CAMK2D: variants seen among roughly 807,000 people sequenced by gnomAD.
CAMK2D encodes calcium/calmodulin dependent protein kinase II delta.
A neutral mutation model predicts 84.0 loss-of-function variants in CAMK2D; 37 were observed. The ratio of observed to expected loss-of-function variants is 0.44; its 90% CI spans 0.34 to 0.58. CAMK2D has a LOEUF of 0.58. CAMK2D is among the 20% of genes least tolerant of loss of function. CAMK2D has a pLI of 0.02. For synonymous variants in CAMK2D, 202 were observed against 212.5 expected, an observed-to-expected ratio of 0.95 and a Z score of 0.43; for missense variants, 448 against 652.5, an observed-to-expected ratio of 0.69 and a Z score of 3.41.
chr4:113,756,923 A>C (rs1413816455), intron 2 of CAMK2D, among the ~76,000 whole-genome samples: 2 of 152,138 alleles, frequency 1.3e-5, no homozygotes, highest in Non-Finnish European at 2.9e-5. Flanking sequence ...ATATAAAATA[A>C]AATTGTTGAC....
rs72899845 is a variant in CAMK2D, at chr4:113,728,335, A to T, written c.160+30985T>A. Among the ~76,000 whole-genome samples, 1,420 of 152,324 alleles carry T rather than the reference A, an allele frequency of 9.3e-3. 30 individuals are homozygous for T. The highest frequency in any genetic ancestry group is 0.032 in the African/African-American group (1,342 of 41,580). ...CAGCCATAAGAAAGAACAAACAATA[A>T]GTAACAACACAGATGAGACTCCAAA... is the stretch of plus-strand genomic sequence containing the variant. On this transcript the variant is annotated intron_variant, in intron 2 of 20. Coordinates refer to ENST00000511664, the MANE Select transcript of CAMK2D (RefSeq NM_001321571.2).
intron 4 of CAMK2D, among the ~76,000 whole-genome samples, chr4:113,553,527 C>T (rs1046863615): frequency 1.4e-4 from 22 of 152,184 alleles, no homozygotes; most frequent in Non-Finnish European, 2.9e-4. Context: ...AGTTAGTATT[C>T]TCTCCCTTAT....
intron 3 of CAMK2D, among the ~76,000 whole-genome samples, chr4:113,633,298 A>T (rs1392167587): frequency 6.6e-6 from 1 of 152,202 alleles, no homozygotes; most frequent in East Asian, 1.9e-4. Flanking sequence ...ATTTCCACTC[A>T]AAGGCTACCT....
At chr4:113,560,007 AG>A (rs542151499) in intron 4 of CAMK2D, among the ~76,000 whole-genome samples, 7 of 152,330 alleles carry the variant, frequency 4.6e-5, no homozygotes, top group African/African-American at 1.7e-4. Flanking sequence ...TCAGACAAGA[AG>A]AGATTCTATC....
chr4:113,574,226 C>T (rs987112152), intron 4 of CAMK2D, among the ~76,000 whole-genome samples: 2 of 152,154 alleles, frequency 1.3e-5, no homozygotes, highest in African/African-American at 4.8e-5. Context: ...TTCAGTGCTT[C>T]ACCGTGTCTC....
chr4:113,540,878 T>C (rs1035454875), intron 6 of CAMK2D, among the ~76,000 whole-genome samples: 7 of 152,224 alleles, frequency 4.6e-5, no homozygotes, highest in African/African-American at 7.2e-5. Context: ...TATAATGCAA[T>C]CCCTTTCTAG....
chr4:113,542,914 T>C (rs2098540619), intron 6 of CAMK2D, among the ~76,000 whole-genome samples: 1 of 152,218 alleles, frequency 6.6e-6, no homozygotes, highest in Non-Finnish European at 1.5e-5. Context: ...CAATGACATT[T>C]CCATTAAGTA....
At chr4:113,726,370 TG>T (rs1467566351) in intron 2 of CAMK2D, among the ~76,000 whole-genome samples, 2 of 143,992 alleles carry the variant, frequency 1.4e-5, no homozygotes, top group African/African-American at 5.1e-5. Context: ...TTGTTTTGCT[TG>T]GGCTTTTTTT....
chr4:113,519,520 T>A (rs1252165849), intron 8 of CAMK2D, among the ~76,000 whole-genome samples: 4 of 149,466 alleles, frequency 2.7e-5, no homozygotes, highest in African/African-American at 7.4e-5. Flanking sequence ...CCCAAAGACT[T>A]AAAAAAAAAA....
chr4:113,543,671 T>A (rs2098546584), intron 6 of CAMK2D, among the ~76,000 whole-genome samples: 1 of 152,178 alleles, frequency 6.6e-6, no homozygotes, highest in African/African-American at 2.4e-5. Context: ...TATTCATTCT[T>A]CTCTTTTTGT....
At position 113,562,284 on chromosome 4, in the gene CAMK2D, C is replaced by T. The variant is rs577901832; in HGVS notation, c.276-10188G>A. 7.9e-5 allele frequency among the ~76,000 whole-genome samples: 12 copies of T among 152,240 alleles called. No individual in the cohort carries two copies. The East Asian group carries it at 1.2e-3, about 15-fold the overall frequency. On this transcript the variant is annotated intron_variant, in intron 4 of 20. Coordinates refer to ENST00000511664, the MANE Select transcript of CAMK2D (RefSeq NM_001321571.2). ...ATTCTGCCAGAGCTCCATTAAGAAACAGCCAAGCAGAGGCATGCCACATGC... is the reference window on the plus strand; with the variant it reads ...ATTCTGCCAGAGCTCCATTAAGAAATAGCCAAGCAGAGGCATGCCACATGC...
rs185941116 is a variant in CAMK2D at position 113,755,783 on chromosome 4, T to C, written c.160+3537A>G. Reference sequence around the variant, plus strand: ...AGAATATCAAAGCAGCAGAAAAAAATTGGCTTTTGTTAAGTACTAATCTAA... The same window carrying C: ...AGAATATCAAAGCAGCAGAAAAAAACTGGCTTTTGTTAAGTACTAATCTAA... On this transcript the variant is annotated intron_variant, in intron 2 of 20. Transcript: ENST00000511664. Among the ~76,000 whole-genome samples, 7 of 151,922 alleles carry C rather than the reference T, an allele frequency of 4.6e-5. No individual in the cohort carries two copies. The East Asian group carries it at 5.8e-4, about 13-fold the overall frequency.
chr4:113,693,121 T>A (rs1053280473), intron 2 of CAMK2D, among the ~76,000 whole-genome samples: 7 of 152,122 alleles, frequency 4.6e-5, no homozygotes, highest in African/African-American at 1.7e-4. Flanking sequence ...AGGGATACTG[T>A]CCATAGAATG....
chr4:113,496,901 T>C (rs1004386104), intron 16 of CAMK2D, among the ~76,000 whole-genome samples: 12 of 152,282 alleles, frequency 7.9e-5, no homozygotes, highest in Admixed American at 3.3e-4. Flanking sequence ...TGTCAACACA[T>C]TGCCTTGGAG....
intron 4 of CAMK2D, among the ~76,000 whole-genome samples, chr4:113,608,154 C>T (rs2098985764): frequency 6.6e-6 from 1 of 152,130 alleles, no homozygotes; most frequent in Admixed American, 6.5e-5. Flanking sequence ...AATTTCAGAC[C>T]ATAGGGGAAC....
rs765325054 is a variant in CAMK2D at position 113,490,411 on chromosome 4, AT to A, written c.1135+10051del. On this transcript the variant is annotated intron_variant, in intron 16 of 20. Coordinates refer to ENST00000511664, the MANE Select transcript of CAMK2D (RefSeq NM_001321571.2). ...TTATTCAATAGGGAATCCTTTCCCCATTGCTTGTTTTTCTCAGGTTTGTCAA... is the reference window on the plus strand; with the variant it reads ...TTATTCAATAGGGAATCCTTTCCCCATGCTTGTTTTTCTCAGGTTTGTCAA... Among the ~76,000 whole-genome samples, 117 of 113,106 alleles carry A rather than the reference AT, an allele frequency of 1.0e-3. 2 individuals are homozygous for A. The highest frequency in any genetic ancestry group is 1.7e-3 in the Admixed American group (19 of 11,484). The allele number at this position is 113,106 out of a possible 152,430, so 74.2% of individuals were successfully genotyped here.
chr4:113,716,649 CAAAAAAAAAAA>C (rs397750449), intron 2 of CAMK2D, among the ~76,000 whole-genome samples: 23 of 76,158 alleles, frequency 3.0e-4, no homozygotes, highest in East Asian at 2.1e-3. Context: ...AGACTCCATC[CAAAAAAAAAAA>C]AAAAAAAAAA....
intron 2 of CAMK2D, among the ~76,000 whole-genome samples, chr4:113,744,753 A>T (rs1212104257): frequency 1.3e-5 from 2 of 152,212 alleles, no homozygotes; most frequent in Non-Finnish European, 2.9e-5. Context: ...GAAGTGGCAG[A>T]GCCACTTCTT....
intron 2 of CAMK2D, among the ~76,000 whole-genome samples, chr4:113,742,148 A>G (rs945585357): frequency 6.6e-6 from 1 of 152,192 alleles, no homozygotes; most frequent in Non-Finnish European, 1.5e-5. Context: ...TGCTCAATAA[A>G]TATTTGTTAA....
Sources: gnomAD v4.1 joint callset for allele counts (sites outside exome capture counted in the v4.1 genomes callset) on GRCh38, gnomAD v4.1.1 for gene constraint, MANE v1.5 for transcripts, NCBI Gene and HGNC (gene_info 2026-07-23, HGNC 2026-07-21) for gene names.